The following ZFHX3 variants were observed in gnomAD, a reference collection of about 807,000 sequenced individuals.
The protein encoded by ZFHX3 is zinc finger homeobox 3.
In ZFHX3, 42 loss-of-function variants were observed where a neutral mutation model predicts 279.1. The observed-to-expected ratio is 0.15, with a 90% CI of 0.12 to 0.19. ZFHX3 has a LOEUF of 0.19. ZFHX3 is among the 10% of genes least tolerant of loss of function. The pLI is 1.00. For missense variants in ZFHX3, 4,981 were observed against 4,754.0 expected, an observed-to-expected ratio of 1.05 and a Z score of -1.40; for synonymous variants, 2,293 against 1,957.8, an observed-to-expected ratio of 1.17 and a Z score of -4.52.
At chr16:73,014,085 G>A (rs1423243685) in intron 1 of ZFHX3, among the ~76,000 whole-genome samples, 1 of 152,168 alleles carries the variant, frequency 6.6e-6, no homozygotes, top group Non-Finnish European at 1.5e-5. Flanking sequence ...GGCAGAAGAA[G>A]GAGATGTAAC....
intron 5 of ZFHX3, among the ~76,000 whole-genome samples, chr16:73,149,527 G>A (rs1399217430): frequency 1.3e-5 from 2 of 152,022 alleles, no homozygotes; most frequent in Non-Finnish European, 2.9e-5. Context: ...AAGTCCATGC[G>A]CTACCAGCTG....
chr16:73,553,176 A>G (rs2020226238), intron 2 of ZFHX3, among the ~76,000 whole-genome samples: 1 of 152,174 alleles, frequency 6.6e-6, no homozygotes, highest in Non-Finnish European at 1.5e-5. Context: ...CTACCTGGAA[A>G]AGAAGTCGTG....
intron 2 of ZFHX3, 123 bp from the exon 3 acceptor site, chr16:72,951,088 G>C: frequency 1.5e-6 from 2 of 1,362,110 alleles, no homozygotes. Context: ...GACATTTCAA[G>C]TGTTGCAAAG....
intron 3 of ZFHX3, among the ~76,000 whole-genome samples, chr16:72,942,894 C>T (rs1960477930): frequency 6.6e-6 from 1 of 152,148 alleles, no homozygotes. Flanking sequence ...TTTTGGGGAA[C>T]ATGCCAGAGA....
At chr16:73,386,193 C>CTGTCTCT (rs1555513204) in intron 3 of ZFHX3, among the ~76,000 whole-genome samples, 1 of 151,564 alleles carries the variant, frequency 6.6e-6, no homozygotes, top group Non-Finnish European at 1.5e-5. Flanking sequence ...TCTCTCCCAC[C>CTGTCTCT]GTCTCTGTCT....
chr16:73,387,994 A>C (rs2016935123), intron 3 of ZFHX3, among the ~76,000 whole-genome samples: 1 of 152,096 alleles, frequency 6.6e-6, no homozygotes, highest in South Asian at 2.1e-4. Flanking sequence ...GGGAGATGTC[A>C]GATTTCAAAT....
intron 1 of ZFHX3, among the ~76,000 whole-genome samples, chr16:73,752,846 G>A (rs1409469694): frequency 6.6e-6 from 1 of 152,294 alleles, no homozygotes; most frequent in Non-Finnish European, 1.5e-5. Flanking sequence ...CTTTCAGAAG[G>A]TATGTCTCCT....
At chr16:73,743,483 G>A (rs888672436) in intron 1 of ZFHX3, among the ~76,000 whole-genome samples, 4 of 152,138 alleles carry the variant, frequency 2.6e-5, no homozygotes, top group Non-Finnish European at 5.9e-5. Context: ...TTTCCTAAAA[G>A]TCAAAAGGCT....
intron 4 of ZFHX3, among the ~76,000 whole-genome samples, chr16:73,316,928 A>G (rs1386066024): frequency 2.0e-5 from 3 of 152,172 alleles, no homozygotes; most frequent in Non-Finnish European, 2.9e-5. Context: ...TTTTGGTATC[A>G]TGCTGTTGGC....
intron 1 of ZFHX3, among the ~76,000 whole-genome samples, chr16:73,759,248 C>T (rs1022374755): frequency 3.3e-5 from 5 of 152,292 alleles, no homozygotes; most frequent in Middle Eastern, 3.4e-3. Flanking sequence ...GTCTTTAACA[C>T]GTGACTCCCA....
chr16:73,583,622 T>C (rs1468848481), intron 2 of ZFHX3, among the ~76,000 whole-genome samples: 1 of 152,236 alleles, frequency 6.6e-6, no homozygotes, highest in Middle Eastern at 3.2e-3. Flanking sequence ...AAGTTCTACT[T>C]GTATAGGCAA....
At chr16:73,713,628 CTTTT>C (rs113612111) in intron 1 of ZFHX3, among the ~76,000 whole-genome samples, 2 of 146,892 alleles carry the variant, frequency 1.4e-5, no homozygotes, top group Non-Finnish European at 3.0e-5. Flanking sequence ...AAGATATTAG[CTTTT>C]TTTTTTTTTT....
intron 1 of ZFHX3, among the ~76,000 whole-genome samples, chr16:73,817,911 C>T (rs1196916164): frequency 1.3e-5 from 2 of 152,174 alleles, no homozygotes; most frequent in African/African-American, 4.8e-5. Flanking sequence ...CCTCAAAGTG[C>T]CAAGGGTTAC....
At chr16:72,974,840 G>A (rs1057166753) in intron 1 of ZFHX3, among the ~76,000 whole-genome samples, 6 of 152,144 alleles carry the variant, frequency 3.9e-5, no homozygotes, top group Non-Finnish European at 8.8e-5. Flanking sequence ...TGGGATGTGC[G>A]TACTAAGCTT....
At chr16:73,257,740 A>G (rs2013700348) in intron 4 of ZFHX3, among the ~76,000 whole-genome samples, 1 of 152,246 alleles carries the variant, frequency 6.6e-6, no homozygotes, top group East Asian at 1.9e-4. Context: ...AGGAGGGTAA[A>G]TACCCATAAT....
chr16:73,565,742 T>C (rs2020442280), intron 2 of ZFHX3, among the ~76,000 whole-genome samples: 1 of 152,178 alleles, frequency 6.6e-6, no homozygotes, highest in Non-Finnish European at 1.5e-5. Context: ...GTTAGTCCCT[T>C]TTTTATGTGA....
chr16:73,349,720 CCTCT>C, intron 3 of ZFHX3, among the ~76,000 whole-genome samples: 1 of 52,128 alleles, frequency 1.9e-5, no homozygotes, highest in African/African-American at 1.2e-4. Flanking sequence ...TCCCTCCTTC[CCTCT>C]CTCCCTCTCC....
At chr16:73,298,486 T>C (rs2143123089) in intron 4 of ZFHX3, among the ~76,000 whole-genome samples, 1 of 151,596 alleles carries the variant, frequency 6.6e-6, no homozygotes, top group East Asian at 1.9e-4. Flanking sequence ...GCCCAACCTA[T>C]TTATGTTGTC....
At chr16:73,728,822 C>T (rs2053544295) in intron 1 of ZFHX3, among the ~76,000 whole-genome samples, 1 of 150,986 alleles carries the variant, frequency 6.6e-6, no homozygotes, top group Admixed American at 6.6e-5. Context: ...TACACACACA[C>T]ACACACACAC....
Sources: allele counts gnomAD v4.1 joint callset (sites outside exome capture counted in the v4.1 genomes callset), GRCh38; gene constraint gnomAD v4.1.1; transcripts MANE v1.5; gene names NCBI Gene and HGNC (gene_info 2026-07-23, HGNC 2026-07-21).